Variants in CTNNA3 observed in about 807,000 individuals in gnomAD.
CTNNA3 encodes catenin alpha 3.
CTNNA3 carries 76 observed loss-of-function variants against 95.7 expected under a neutral mutation model. That is an observed-to-expected ratio of 0.79 (90% CI 0.66 to 0.96). The LOEUF (loss-of-function observed/expected upper bound fraction) is 0.96, where lower values mean the gene tolerates loss of function less well. Among genes scored for constraint, CTNNA3 ranks in the 40% least tolerant of loss-of-function variants. The pLI, the probability that CTNNA3 is intolerant of heterozygous loss-of-function variation, is 0.00. For missense variants in CTNNA3, 1,191 were observed against 1,089.8 expected (o/e 1.09, Z -1.31); for synonymous variants, 431 against 374.4 (o/e 1.15, Z -1.74).
intron 9 of CTNNA3, among the ~76,000 whole-genome samples, chr10:66,641,273 A>G (rs745451): frequency 0.67 from 101,421 of 152,064 alleles, 34,808 homozygotes; most frequent in East Asian, 0.95. Flanking sequence ...CATATAGCCA[A>G]TGAAGCCACC....
intron 7 of CTNNA3, among the ~76,000 whole-genome samples, chr10:67,068,895 A>C (rs769042433): frequency 6.6e-6 from 1 of 152,088 alleles, no homozygotes; most frequent in African/African-American, 2.4e-5. Context: ...CCCTGTCTCT[A>C]CTAAAAATAC....
intron 10 of CTNNA3, among the ~76,000 whole-genome samples, chr10:66,535,263 C>T (rs1417706757): frequency 6.6e-6 from 1 of 152,132 alleles, no homozygotes; most frequent in African/African-American, 2.4e-5. Flanking sequence ...AAGAGCTCCT[C>T]TTTGTTGAGC....
chr10:67,390,944 A>G (rs908886988), intron 5 of CTNNA3, among the ~76,000 whole-genome samples: 1 of 152,082 alleles, frequency 6.6e-6, no homozygotes, highest in Non-Finnish European at 1.5e-5. Flanking sequence ...CCCACAGCCA[A>G]TATCATACTG....
chr10:67,460,995 T>G (rs1187525840), intron 5 of CTNNA3, among the ~76,000 whole-genome samples: 2 of 152,156 alleles, frequency 1.3e-5, no homozygotes, highest in South Asian at 4.1e-4. Flanking sequence ...GAAAGCAAGA[T>G]CAGTGAGTAA....
intron 9 of CTNNA3, among the ~76,000 whole-genome samples, chr10:66,689,339 C>A (rs908353762): frequency 3.3e-5 from 5 of 152,098 alleles, no homozygotes; most frequent in Non-Finnish European, 5.9e-5. Context: ...TTGGCCTGGA[C>A]AGTTGTCCCA....
chr10:67,602,743 C>T (rs899373269), intron 3 of CTNNA3, among the ~76,000 whole-genome samples: 4 of 152,140 alleles, frequency 2.6e-5, no homozygotes, highest in African/African-American at 9.7e-5. Flanking sequence ...TGATGACGTA[C>T]ATACTTATTA....
At chr10:67,211,171 T>C (rs1457060358) in intron 6 of CTNNA3, among the ~76,000 whole-genome samples, 2 of 152,168 alleles carry the variant, frequency 1.3e-5, no homozygotes, top group African/African-American at 4.8e-5. Flanking sequence ...ATACTGATGA[T>C]TAACTGATGG....
At chr10:66,945,881 T>A (rs1589466550) in intron 7 of CTNNA3, among the ~76,000 whole-genome samples, 1 of 152,076 alleles carries the variant, frequency 6.6e-6, no homozygotes, top group African/African-American at 2.4e-5. Flanking sequence ...AGTGAAGCGG[T>A]CAGGACATAT....
At chr10:66,708,891 A>ATAAT (rs1848205046) in intron 9 of CTNNA3, among the ~76,000 whole-genome samples, 1 of 152,134 alleles carries the variant, frequency 6.6e-6, no homozygotes, top group African/African-American at 2.4e-5. Context: ...TGGTGGGATA[A>ATAAT]TAATTTTGAA....
intron 12 of CTNNA3, among the ~76,000 whole-genome samples, chr10:66,375,588 C>CAAA (rs147027212): frequency 0.039 from 5,634 of 143,096 alleles, 293 homozygotes; most frequent in African/African-American, 0.13. Context: ...AGCTGCAATG[C>CAAA]CAAAAAAAAA....
intron 3 of CTNNA3, among the ~76,000 whole-genome samples, chr10:67,563,841 CAG>C (rs1375318698): frequency 1.3e-5 from 2 of 150,056 alleles, no homozygotes; most frequent in Non-Finnish European, 3.0e-5. Context: ...AGGATATGAA[CAG>C]ACACTTCTCA....
intron 9 of CTNNA3, among the ~76,000 whole-genome samples, chr10:66,665,105 C>A (rs753027077): frequency 2.6e-5 from 4 of 152,152 alleles, no homozygotes; most frequent in African/African-American, 9.6e-5. Flanking sequence ...CCCAAGGTCA[C>A]ACTGCCAACA....
chr10:66,844,834 T>C (rs1403795035), intron 7 of CTNNA3, among the ~76,000 whole-genome samples: 1 of 152,156 alleles, frequency 6.6e-6, no homozygotes, highest in Non-Finnish European at 1.5e-5. Context: ...TGTTTAAAGA[T>C]AACCCCCTAC....
chr10:67,582,616 T>C (rs933402010), intron 3 of CTNNA3, among the ~76,000 whole-genome samples: 2 of 151,676 alleles, frequency 1.3e-5, no homozygotes, highest in Non-Finnish European at 3.0e-5. Flanking sequence ...GATATCCTTG[T>C]TAACTTTCTG....
chr10:66,886,888 CT>C (rs1035868165), intron 7 of CTNNA3, among the ~76,000 whole-genome samples: 14 of 152,078 alleles, frequency 9.2e-5, no homozygotes, highest in Middle Eastern at 3.4e-3. Context: ...TGGAGAAAAG[CT>C]TTTTTTTCTT....
chr10:67,242,118 A>T (rs1433907771), intron 5 of CTNNA3, among the ~76,000 whole-genome samples: 1 of 152,224 alleles, frequency 6.6e-6, no homozygotes, highest in African/African-American at 2.4e-5. Context: ...CCTGACAAAG[A>T]ACTGTTGTAA....
intron 11 of CTNNA3, among the ~76,000 whole-genome samples, chr10:66,501,733 T>A (rs1840284713): frequency 6.6e-6 from 1 of 152,052 alleles, no homozygotes; most frequent in South Asian, 2.1e-4. Flanking sequence ...ATACTCAGAG[T>A]AAGAATATTC....
At chr10:66,896,256 T>C (rs1277773223) in intron 7 of CTNNA3, among the ~76,000 whole-genome samples, 2 of 152,214 alleles carry the variant, frequency 1.3e-5, no homozygotes, top group Non-Finnish European at 2.9e-5. Flanking sequence ...GCCTTACAAC[T>C]GAATATATCC....
chr10:66,443,121 C>T (rs1039151260), intron 11 of CTNNA3, among the ~76,000 whole-genome samples: 2 of 152,164 alleles, frequency 1.3e-5, no homozygotes, highest in Non-Finnish European at 2.9e-5. Flanking sequence ...GGGCGCCTGT[C>T]ATTGCCCAGG....
Sources: gnomAD v4.1 joint callset for allele counts (sites outside exome capture counted in the v4.1 genomes callset) on GRCh38, gnomAD v4.1.1 for gene constraint, MANE v1.5 for transcripts, NCBI Gene and HGNC (gene_info 2026-07-23, HGNC 2026-07-21) for gene names.